Variants in NAPEPLD observed in about 807,000 individuals in gnomAD.
The protein encoded by NAPEPLD is N-acyl-phosphatidylethanolamine-hydrolyzing phospholipase D.
A neutral mutation model predicts 38.1 loss-of-function variants in NAPEPLD; 23 were observed. That is an observed-to-expected ratio of 0.60 (90% confidence interval 0.43 to 0.86). NAPEPLD has a LOEUF of 0.86. Ranked by LOEUF, NAPEPLD falls within the 40% of genes least tolerant of loss-of-function variation. The pLI, the probability that NAPEPLD is intolerant of heterozygous loss-of-function variation, is 0.00. For missense variants in NAPEPLD, 411 were observed against 476.8 expected, an observed-to-expected ratio of 0.86 and a Z score of 1.28; for synonymous variants, 147 against 162.0, an observed-to-expected ratio of 0.91 and a Z score of 0.71.
At chr7:103,145,141 G>A (rs1289214844) in intron 1 of NAPEPLD, among the ~76,000 whole-genome samples, 1 of 152,122 alleles carries the variant, frequency 6.6e-6, no homozygotes, top group East Asian at 1.9e-4. Flanking sequence ...AAATGTGTGC[G>A]CAGTTTAAAC....
intron 1 of NAPEPLD, among the ~76,000 whole-genome samples, chr7:103,140,410 T>C (rs1368532774): frequency 3.6e-5 from 5 of 140,540 alleles, no homozygotes; most frequent in African/African-American, 1.5e-4. Flanking sequence ...TTTTTTTTTT[T>C]GAAACAGAGT....
chr7:103,102,528 G>C lies in NAPEPLD; in HGVS notation c.*901C>G, dbSNP rs779356448. 4 of 150,738 alleles carry C rather than the reference G, an allele frequency of 2.7e-5. No homozygotes were observed. The highest frequency in any genetic ancestry group is 4.4e-5 in the Non-Finnish European group (3 of 67,808). 9.3% of individuals were successfully genotyped at this position (150,738 alleles called of 1,614,324 possible). A position where few individuals can be genotyped will look rare whatever the true frequency, so the allele number is the denominator to read the frequency against. On this transcript the variant is annotated 3_prime_UTR_variant, in exon 5 of 5. Transcript: ENST00000465647. Reference sequence around the variant, plus strand: ...TTCTTTTTTCTTTTTTTTTTTCCGAGAGAGACGGGAGGTCACCATGTTGCC... The same window carrying C: ...TTCTTTTTTCTTTTTTTTTTTCCGACAGAGACGGGAGGTCACCATGTTGCC...
chr7:103,110,588 A>C (rs1804316229), intron 4 of NAPEPLD, among the ~76,000 whole-genome samples: 1 of 152,248 alleles, frequency 6.6e-6, no homozygotes, highest in African/African-American at 2.4e-5. Flanking sequence ...TCAAAATAAT[A>C]AGAGCTATTT....
rs190369872 is a variant in NAPEPLD, at chr7:103,142,728, G to A, written c.-17+6083C>T. Among the ~76,000 whole-genome samples, 57 of 152,282 alleles carry A rather than the reference G, an allele frequency of 3.7e-4. 1 individual carries two copies. Among genetic ancestry groups the A allele is most frequent in the Non-Finnish European group, 7.4e-4 (50 of 68,026 alleles). The stretch of plus-strand genomic sequence containing the variant: ...TTCACATTGTCAATAACACAAAGCA[G>A]CCTGTACACAATGAGTGCACAATAT... On this transcript the variant is annotated intron_variant, in intron 1 of 4. Transcript: ENST00000465647.
At chr7:103,115,277 G>T in intron 3 of NAPEPLD, 103 bp from the exon 4 acceptor site, 2 of 784,268 alleles carry the variant, frequency 2.6e-6, no homozygotes, top group South Asian at 1.9e-5. Context: ...GCAGGACTAT[G>T]GATGTTGAGA....
rs1424266754 is a variant in NAPEPLD, at chr7:103,099,791, C to T, written c.*3638G>A. The T allele has an allele frequency of 6.6e-6, 1 of 151,802 alleles. No homozygotes were observed. The highest frequency in any genetic ancestry group is 1.5e-5 in the Non-Finnish European group (1 of 67,958). The allele number at this position is 151,802 out of a possible 1,614,324, so 9.4% of individuals were successfully genotyped here. The stretch of plus-strand genomic sequence containing the variant: ...AGGTTATACATATTTTTTCCCTTGA[C>T]AGTACTTTATTAATTTTCATCCATA... On this transcript the variant is annotated 3_prime_UTR_variant, in exon 5 of 5. Coordinates refer to ENST00000465647, the MANE Select transcript of NAPEPLD (RefSeq NM_001122838.3).
At chr7:103,149,649 G>A, upstream of NAPEPLD, 1 of 343,902 alleles carries the variant, frequency 2.9e-6, no homozygotes, top group Non-Finnish European at 5.0e-6. Flanking sequence ...CTGGGAGCAC[G>A]CGGCCTGCCC....
At chr7:103,146,264 G>C (rs984226529) in intron 1 of NAPEPLD, among the ~76,000 whole-genome samples, 1 of 151,576 alleles carries the variant, frequency 6.6e-6, no homozygotes, top group Non-Finnish European at 1.5e-5. Flanking sequence ...AGTATCGCTT[G>C]AACACACGAG....
rs576081698 is a variant in NAPEPLD, at chr7:103,100,412, T to C, written c.*3017A>G. On this transcript the variant is annotated 3_prime_UTR_variant, in exon 5 of 5. Transcript: ENST00000465647. ...ATCACACTCCCTAGAGATCAGAGCATTGAGTCTGAAATGTCAAAATGCTAG... is the reference window on the plus strand; with the variant it reads ...ATCACACTCCCTAGAGATCAGAGCACTGAGTCTGAAATGTCAAAATGCTAG... 1 of 152,316 alleles carries C rather than the reference T, an allele frequency of 6.6e-6. No homozygotes were observed. The highest frequency in any genetic ancestry group is 1.9e-4 in the East Asian group (1 of 5,188). 9.4% of individuals were successfully genotyped at this position (152,316 alleles called of 1,614,324 possible). A position where few individuals can be genotyped will look rare whatever the true frequency, so the allele number is the denominator to read the frequency against.
chr7:103,128,562 C>T lies in NAPEPLD; in HGVS notation c.215G>A (p.Trp72Ter), dbSNP rs771839205. 1.9e-6 allele frequency: 3 copies of T among 1,614,144 alleles called. No homozygotes were observed. In the Admixed American group the frequency reaches 5.0e-5, roughly 27 times the overall value. ...DGRFVNPWPT[W>*]KNPSIPNVLR... ...AACATTTGGAATAGAGGGGTTTTTC[C>T]ATGTTGGCCACGGATTCACAAATCT... The change falls in exon 2 of 5, where the codon TGG becomes TAG. Residue 72 changes from tryptophan to a stop codon, truncating the protein, a stop_gained. Transcript: ENST00000465647. LOFTEE classifies it high-confidence loss of function.
rs138807278 is a variant in NAPEPLD at position 103,134,836 on chromosome 7, T to C, written c.-16-6044A>G. ...CCAAAGAGAGGTCTGGGCTGTGACA[T>C]TTGGTGAAGACAAGTCAGCCAAGTA... On this transcript the variant is annotated intron_variant, in intron 1 of 4. Coordinates refer to ENST00000465647, the MANE Select transcript of NAPEPLD (RefSeq NM_001122838.3). 4.8e-3 allele frequency among the ~76,000 whole-genome samples: 728 copies of C among 152,296 alleles called. 6 individuals are homozygous for C. Among genetic ancestry groups the C allele is most frequent in the African/African-American group, 0.017 (688 of 41,560 alleles).
chr7:103,149,987 T>C (rs1165261213), upstream of NAPEPLD, among the ~76,000 whole-genome samples: 1 of 152,242 alleles, frequency 6.6e-6, no homozygotes, highest in East Asian at 1.9e-4. Context: ...GATCGTTTAC[T>C]TTTAAAATGA....
intron 4 of NAPEPLD, among the ~76,000 whole-genome samples, chr7:103,106,471 C>T (rs1232421184): frequency 6.6e-6 from 1 of 152,254 alleles, no homozygotes; most frequent in African/African-American, 2.4e-5. Context: ...GGCCCACCCC[C>T]ACAAAGCCCA....
intron 2 of NAPEPLD, chr7:103,127,465 C>T (rs921113981): frequency 6.6e-6 from 1 of 152,102 alleles, no homozygotes; most frequent in Admixed American, 6.5e-5. Flanking sequence ...ATATGCTCCA[C>T]CAAAATGAGA....
rs553055415 is a variant in NAPEPLD, at chr7:103,140,588, T to C, written c.-17+8223A>G. The stretch of plus-strand genomic sequence containing the variant: ...TTTTGTATTTTTAGTAGAGACGGGG[T>C]TTCACCATGTTAGCCAGGACGGTCT... On this transcript the variant is annotated intron_variant, in intron 1 of 4. Coordinates refer to ENST00000465647, the MANE Select transcript of NAPEPLD (RefSeq NM_001122838.3). Among the ~76,000 whole-genome samples, 6 of 151,890 alleles carry C rather than the reference T, an allele frequency of 4.0e-5. No homozygotes were observed. In the South Asian group the frequency reaches 1.3e-3, roughly 32 times the overall value.
intron 4 of NAPEPLD, among the ~76,000 whole-genome samples, chr7:103,106,092 G>C (rs1445577347): frequency 6.6e-6 from 1 of 152,146 alleles, no homozygotes; most frequent in Non-Finnish European, 1.5e-5. Context: ...GCCCACGGAG[G>C]GTGAGCCAAA....
intron 3 of NAPEPLD, among the ~76,000 whole-genome samples, chr7:103,117,525 G>A (rs118041013): frequency 6.6e-5 from 10 of 152,296 alleles, no homozygotes; most frequent in Non-Finnish European, 1.3e-4. Flanking sequence ...ATTCCCTAAA[G>A]TAAGAATGAA....
At chr7:103,111,497 C>T (rs1047384468) in intron 4 of NAPEPLD, among the ~76,000 whole-genome samples, 10 of 152,158 alleles carry the variant, frequency 6.6e-5, no homozygotes, top group African/African-American at 2.2e-4. Context: ...CTGACAAATA[C>T]AAGCAATGGG....
chr7:103,114,864 GTT>G (rs11332590), intron 4 of NAPEPLD, among the ~76,000 whole-genome samples, 194 bp downstream of exon 4: 5 of 150,826 alleles, frequency 3.3e-5, no homozygotes, highest in African/African-American at 7.3e-5. Context: ...AGGTTGTGTT[GTT>G]TTTTTTTTCT....
Sources: allele counts gnomAD v4.1 joint callset (sites outside exome capture counted in the v4.1 genomes callset), GRCh38; gene constraint gnomAD v4.1.1; transcripts MANE v1.5; gene names NCBI Gene and HGNC (gene_info 2026-07-23, HGNC 2026-07-21).